PCDHGB2: variants seen among roughly 807,000 people sequenced by gnomAD.
PCDHGB2 encodes the protein protocadherin gamma subfamily B, 2.
A neutral mutation model predicts 59.3 loss-of-function variants in PCDHGB2; 55 were observed. That is an observed-to-expected ratio of 0.93 (90% CI 0.75 to 1.16). The LOEUF (loss-of-function observed/expected upper bound fraction) is 1.16. PCDHGB2 is among the 50% of genes most tolerant of loss of function. The probability of loss-of-function intolerance (pLI) is 0.00; values close to 1 mark genes in which losing one functional copy is unlikely to be tolerated. For synonymous variants in PCDHGB2, 516 were observed against 512.0 expected, an observed-to-expected ratio of 1.01 and a Z score of -0.11; for missense variants, 1,228 against 1,198.5, an observed-to-expected ratio of 1.02 and a Z score of -0.36.
chr5:141,385,196 G>T, intron 1 of PCDHGB2: 1 of 1,614,230 alleles, frequency 6.2e-7, no homozygotes, highest in South Asian at 1.1e-5. Flanking sequence ...TCTCGGAAGA[G>T]TCACCTGATC....
chr5:141,479,469 C>T lies in PCDHGB2; in HGVS notation c.2422-15338C>T, dbSNP rs1218436564. 8 of 152,344 alleles carry T rather than the reference C, an allele frequency of 5.3e-5. No homozygotes were observed. In the East Asian group the frequency reaches 1.5e-3, roughly 29 times the overall value. 9.4% of individuals were successfully genotyped at this position (152,344 alleles called of 1,614,324 possible). On this transcript the variant is annotated intron_variant, in intron 1 of 3. Transcript: ENST00000522605. ...AAGTTCAGCATGAATACAGTGACCT[C>T]TTGGGAGGGCAGGACCATCAGGTTG...
In PCDHGB2 at chr5:141,491,832, C is replaced by A; in HGVS notation, c.2422-2975C>A. On this transcript the variant is annotated intron_variant, in intron 1 of 3. Coordinates refer to ENST00000522605, the MANE Select transcript of PCDHGB2 (RefSeq NM_018923.3). The surrounding 1 kb of genome is among the most constrained non-coding windows in gnomAD (Gnocchi z 6.9). ...GTCGCTGGCTGCGCTCCACCCGATT[C>A]TCGGGATCATTGGACCGTTTGCGCG... 6.8e-7 allele frequency: 1 copy of A among 1,474,424 alleles called. No individual in the cohort carries two copies. 91.3% of individuals were successfully genotyped at this position (1,474,424 alleles called of 1,614,324 possible).
At chr5:141,464,312 C>T (rs2099081610) in intron 1 of PCDHGB2, among the ~76,000 whole-genome samples, 1 of 149,056 alleles carries the variant, frequency 6.7e-6, no homozygotes, top group South Asian at 2.1e-4. Flanking sequence ...GTGCACATAT[C>T]ATTATCTGTT....
chr5:141,429,765 T>C (rs897963458), intron 1 of PCDHGB2, among the ~76,000 whole-genome samples: 1 of 152,230 alleles, frequency 6.6e-6, no homozygotes, highest in East Asian at 1.9e-4. Flanking sequence ...TTTCCCTATA[T>C]TTTGATGGGC....
chr5:141,434,820 G>A (rs953824837), intron 1 of PCDHGB2, among the ~76,000 whole-genome samples: 1 of 151,302 alleles, frequency 6.6e-6, no homozygotes, highest in Admixed American at 6.6e-5. Flanking sequence ...ATATCCCTTA[G>A]TACACTTGGC....
At chr5:141,453,101 TTTTTGTTTTG>T (rs879618609) in intron 1 of PCDHGB2, among the ~76,000 whole-genome samples, 16 of 152,130 alleles carry the variant, frequency 1.1e-4, no homozygotes, top group Middle Eastern at 3.4e-3. Flanking sequence ...TTCTGTTGCT[TTTTTGTTTTG>T]TTTTGTTTTG....
At chr5:141,410,260 T>C in intron 1 of PCDHGB2, 1 of 1,614,054 alleles carries the variant, frequency 6.2e-7, no homozygotes, top group Non-Finnish European at 8.5e-7. Context: ...ACCCCCAGGC[T>C]GAACTGCAGT....
At chr5:141,392,349 A>T (rs60903062) in intron 1 of PCDHGB2, 6,500 of 152,632 alleles carry the variant, frequency 0.043, 224 homozygotes, top group African/African-American at 0.093. Context: ...GAGTAATTTA[A>T]TCCGATGCTA....
chr5:141,486,456 C>G lies in PCDHGB2; in HGVS notation c.2422-8351C>G. ...AGCTATGACATCATGGTCACTGCTT[C>G]TGATGCTGGGAACCCTCCTCTCAGT... is the stretch of plus-strand genomic sequence containing the variant. On this transcript the variant is annotated intron_variant, in intron 1 of 3. Transcript: ENST00000522605. The surrounding 1 kb of genome is among the most constrained non-coding windows in gnomAD (Gnocchi z 5.0). The G allele has an allele frequency of 1.9e-6, 3 of 1,614,052 alleles. No homozygotes were observed. In the South Asian group the frequency reaches 3.3e-5, roughly 18 times the overall value.
At chr5:141,374,608 T>C (rs1480045739) in intron 1 of PCDHGB2, 1 of 1,613,484 alleles carries the variant, frequency 6.2e-7, no homozygotes, top group African/African-American at 1.3e-5. Flanking sequence ...TCAGTGGTAA[T>C]AGTCACTTCT....
intron 1 of PCDHGB2, chr5:141,478,354 C>T (rs141625672): frequency 1.2e-6 from 2 of 1,613,778 alleles, no homozygotes; most frequent in Non-Finnish European, 8.5e-7. Context: ...ACGCGGACGC[C>T]GTGCGGGGAG....
chr5:141,493,340 T>C lies in PCDHGB2; in HGVS notation c.2422-1467T>C, dbSNP rs889623993. Among the ~76,000 whole-genome samples, 1 of 152,202 alleles carries C rather than the reference T, an allele frequency of 6.6e-6. No homozygotes were observed. Among genetic ancestry groups the C allele is most frequent in the Admixed American group, 6.5e-5 (1 of 15,288 alleles). Reference sequence around the variant, plus strand: ...TTCTAACCCCTGTCTAACTCCAGAATGTGTGCTTTTAATTTCTTGGCACTT... The same window carrying C: ...TTCTAACCCCTGTCTAACTCCAGAACGTGTGCTTTTAATTTCTTGGCACTT... On this transcript the variant is annotated intron_variant, in intron 1 of 3. Coordinates refer to ENST00000522605, the MANE Select transcript of PCDHGB2 (RefSeq NM_018923.3). The surrounding 1 kb of genome is among the most constrained non-coding windows in gnomAD (Gnocchi z 4.3).
rs374095590 is a variant in PCDHGB2, at chr5:141,431,523, T to C, written c.2422-63284T>C. On this transcript the variant is annotated intron_variant, in intron 1 of 3. Coordinates refer to ENST00000522605, the MANE Select transcript of PCDHGB2 (RefSeq NM_018923.3). This position sits in a 1 kb window ranked among gnomAD's most constrained non-coding sequence, Gnocchi z 4.8. ...TACCGCGCGAGCGTTCCGGAGAATC[T>C]GGCCTTGGGCACGCAGCTGCTTGTA... 13 of 1,613,952 alleles carry C rather than the reference T, an allele frequency of 8.1e-6. No homozygotes were observed. The African/African-American group carries it at 1.5e-4, about 18-fold the overall frequency.
intron 1 of PCDHGB2, chr5:141,395,256 T>G: frequency 6.4e-7 from 1 of 1,554,392 alleles, no homozygotes; most frequent in East Asian, 2.3e-5. Flanking sequence ...AGTTCTTTGC[T>G]TGCTTTTAAT....
intron 1 of PCDHGB2, among the ~76,000 whole-genome samples, chr5:141,387,296 C>T (rs2090893790): frequency 6.6e-6 from 1 of 152,134 alleles, no homozygotes; most frequent in Non-Finnish European, 1.5e-5. Flanking sequence ...TAAAATGTAT[C>T]CAGTATATTT....
At chr5:141,438,834 T>A (rs915381229) in intron 1 of PCDHGB2, among the ~76,000 whole-genome samples, 5 of 150,606 alleles carry the variant, frequency 3.3e-5, no homozygotes, top group South Asian at 2.1e-4. Context: ...GCTAATTTTT[T>A]AAAATATTTT....
At position 141,474,586 on chromosome 5, in the gene PCDHGB2, A is replaced by T. The variant is rs149003643; in HGVS notation, c.2422-20221A>T. 7.1e-4 allele frequency among the ~76,000 whole-genome samples: 108 copies of T among 152,340 alleles called. No individual in the cohort carries two copies. The East Asian group carries it at 0.015, about 21-fold the overall frequency. The stretch of plus-strand genomic sequence containing the variant: ...TCAGAGATTAATTGAAGTGTTAAAG[A>T]CATGGAAATATAGGTCACATATGGC... On this transcript the variant is annotated intron_variant, in intron 1 of 3. Coordinates refer to ENST00000522605, the MANE Select transcript of PCDHGB2 (RefSeq NM_018923.3).
intron 1 of PCDHGB2, among the ~76,000 whole-genome samples, chr5:141,444,726 G>C (rs1296177763): frequency 6.6e-6 from 1 of 152,048 alleles, no homozygotes; most frequent in African/African-American, 2.4e-5. Flanking sequence ...TGGTGCCTTT[G>C]TTGAAAGTCA....
At chr5:141,384,494 T>C in intron 1 of PCDHGB2, 1 of 1,613,972 alleles carries the variant, frequency 6.2e-7, no homozygotes, top group African/African-American at 1.3e-5. Flanking sequence ...CAACTAAGAG[T>C]GACTGCACAT....
Sources: gnomAD v4.1 joint callset for allele counts (sites outside exome capture counted in the v4.1 genomes callset) on GRCh38, gnomAD v4.1.1 for gene constraint, Gnocchi (gnomAD v3.1) non-coding constraint, MANE v1.5 for transcripts, NCBI Gene and HGNC (gene_info 2026-07-23, HGNC 2026-07-21) for gene names.